CACNA2D1: variants seen among roughly 807,000 people sequenced by gnomAD.
CACNA2D1 encodes calcium voltage-gated channel auxiliary subunit alpha2delta 1.
CACNA2D1 carries 53 observed loss-of-function variants against 171.5 expected under a neutral mutation model. That is an observed-to-expected ratio of 0.31 (90% CI 0.25 to 0.39). The LOEUF (loss-of-function observed/expected upper bound fraction) is 0.39, where lower values mean the gene tolerates loss of function less well. Among genes scored for constraint, CACNA2D1 ranks in the 10% least tolerant of loss-of-function variants. The pLI, the probability that CACNA2D1 is intolerant of heterozygous loss-of-function variation, is 1.00. For missense variants in CACNA2D1, 903 were observed against 1,299.8 expected (o/e 0.69, Z 4.69); for synonymous variants, 442 against 443.1 (o/e 1.00, Z 0.03).
At chr7:82,173,393 G>C (rs1796245258) in intron 3 of CACNA2D1, among the ~76,000 whole-genome samples, 1 of 151,996 alleles carries the variant, frequency 6.6e-6, no homozygotes, top group South Asian at 2.1e-4. Context: ...ATTTTAAAAG[G>C]CTGGTCTGAA....
At chr7:81,992,351 G>C (rs947282236) in intron 20 of CACNA2D1, among the ~76,000 whole-genome samples, 1 of 152,078 alleles carries the variant, frequency 6.6e-6, no homozygotes, top group Admixed American at 6.5e-5. Flanking sequence ...GAGGTAAGGT[G>C]CTTAAGTTGG....
intron 3 of CACNA2D1, among the ~76,000 whole-genome samples, chr7:82,256,458 C>CT (rs778953177): frequency 6.6e-6 from 1 of 152,046 alleles, no homozygotes; most frequent in Non-Finnish European, 1.5e-5. Flanking sequence ...TTATCTAATA[C>CT]TTTTTTCTAA....
chr7:82,276,538 G>A (rs769452288), intron 3 of CACNA2D1, among the ~76,000 whole-genome samples: 3 of 152,160 alleles, frequency 2.0e-5, no homozygotes, highest in Non-Finnish European at 4.4e-5. Flanking sequence ...ATGGTGGCAA[G>A]AGTGTCCTCC....
intron 10 of CACNA2D1, among the ~76,000 whole-genome samples, chr7:82,060,180 TA>T (rs1806541471): frequency 4.3e-5 from 1 of 23,208 alleles, no homozygotes; most frequent in Non-Finnish European, 6.9e-5. Context: ...ATATATATAA[TA>T]TATATATATT....
intron 3 of CACNA2D1, among the ~76,000 whole-genome samples, chr7:82,210,013 A>G (rs1223188102): frequency 6.6e-6 from 1 of 152,176 alleles, no homozygotes; most frequent in Admixed American, 6.5e-5. Flanking sequence ...TTCTTTGTGG[A>G]GGTCAGTAGT....
At chr7:82,145,534 A>G (rs868785748) in intron 4 of CACNA2D1, among the ~76,000 whole-genome samples, 1 of 131,962 alleles carries the variant, frequency 7.6e-6, no homozygotes. Context: ...GTATATATAC[A>G]GAATGTGTGT....
chr7:82,216,827 T>C (rs1019058429), intron 3 of CACNA2D1, among the ~76,000 whole-genome samples: 3 of 143,598 alleles, frequency 2.1e-5, no homozygotes, highest in African/African-American at 7.7e-5. Flanking sequence ...AAAGTAAATA[T>C]ATCTGTCAAA....
intron 4 of CACNA2D1, among the ~76,000 whole-genome samples, chr7:82,163,487 A>G (rs17834782): frequency 0.28 from 42,744 of 151,852 alleles, 6,094 homozygotes; most frequent in Middle Eastern, 0.36. Context: ...GAATGCATAC[A>G]GACATTGAGA....
intron 5 of CACNA2D1, among the ~76,000 whole-genome samples, chr7:82,130,242 G>C (rs200394742): frequency 2.5e-5 from 2 of 79,368 alleles, no homozygotes; most frequent in Non-Finnish European, 5.6e-5. Flanking sequence ...TTATACTCTT[G>C]AGGGACCCTA....
At chr7:82,236,189 C>A (rs1803568238) in intron 3 of CACNA2D1, among the ~76,000 whole-genome samples, 1 of 151,982 alleles carries the variant, frequency 6.6e-6, no homozygotes, top group African/African-American at 2.4e-5. Flanking sequence ...AAACTCGTAA[C>A]AAGTTACCAA....
At chr7:81,953,961 A>G (rs1474090037) in intron 38 of CACNA2D1, among the ~76,000 whole-genome samples, 2 of 152,090 alleles carry the variant, frequency 1.3e-5, no homozygotes, top group Non-Finnish European at 2.9e-5. Context: ...GGTAGTTTAG[A>G]TAAGTTATTT....
intron 3 of CACNA2D1, among the ~76,000 whole-genome samples, chr7:82,319,474 C>T (rs1320922217): frequency 6.6e-6 from 1 of 152,096 alleles, no homozygotes; most frequent in African/African-American, 2.4e-5. Context: ...TTGTTACTAT[C>T]AATGACAAGC....
chr7:82,226,424 G>A (rs946857069), intron 3 of CACNA2D1, among the ~76,000 whole-genome samples: 6 of 152,170 alleles, frequency 3.9e-5, no homozygotes, highest in South Asian at 4.1e-4. Context: ...TCCTTCCTGG[G>A]ATGAACACTT....
intron 4 of CACNA2D1, among the ~76,000 whole-genome samples, chr7:82,161,685 A>G (rs1414099577): frequency 2.0e-5 from 3 of 152,086 alleles, no homozygotes; most frequent in African/African-American, 7.2e-5. Flanking sequence ...GAGAAAAGTA[A>G]TAGAAATAAT....
At chr7:82,117,546 G>A (rs1223100146) in intron 5 of CACNA2D1, among the ~76,000 whole-genome samples, 1 of 152,170 alleles carries the variant, frequency 6.6e-6, no homozygotes, top group Admixed American at 6.5e-5. Context: ...AGCACTTTGG[G>A]AGGAAGAGGG....
At chr7:82,443,291 T>A in intron 1 of CACNA2D1, 74 bp downstream of exon 1, 1 of 1,375,164 alleles carries the variant, frequency 7.3e-7, no homozygotes, top group Non-Finnish European at 9.9e-7. Flanking sequence ...GCCCCGCGAC[T>A]CGGGAACCGA....
At chr7:82,163,146 T>C (rs909989896) in intron 4 of CACNA2D1, among the ~76,000 whole-genome samples, 8 of 152,196 alleles carry the variant, frequency 5.3e-5, no homozygotes, top group South Asian at 2.1e-4. Flanking sequence ...TTCTGAAGGA[T>C]TGACAATAAA....
At chr7:82,165,480 T>C (rs1795352940) in intron 4 of CACNA2D1, among the ~76,000 whole-genome samples, 1 of 152,026 alleles carries the variant, frequency 6.6e-6, no homozygotes, top group Non-Finnish European at 1.5e-5. Flanking sequence ...TTGCTTCTTT[T>C]CAATATAAAA....
At chr7:81,996,708 C>G (rs969874833) in intron 19 of CACNA2D1, among the ~76,000 whole-genome samples, 1 of 151,240 alleles carries the variant, frequency 6.6e-6, no homozygotes, top group Non-Finnish European at 1.5e-5. Context: ...TTATGGAAGA[C>G]TCTCTCAGAG....
Sources: gnomAD v4.1 joint callset for allele counts (sites outside exome capture counted in the v4.1 genomes callset) on GRCh38, gnomAD v4.1.1 for gene constraint, MANE v1.5 for transcripts, NCBI Gene and HGNC (gene_info 2026-07-23, HGNC 2026-07-21) for gene names.